Variants in ATP13A4 observed in about 807,000 individuals in gnomAD.
ATP13A4 encodes ATPase 13A4, also known as probable cation-transporting ATPase 13A4.
In ATP13A4, 114 loss-of-function variants were observed where a neutral mutation model predicts 142.5. That is an observed-to-expected ratio of 0.80 (90% CI 0.69 to 0.93). The LOEUF (loss-of-function observed/expected upper bound fraction) is 0.93, where lower values mean the gene tolerates loss of function less well. Among genes scored for constraint, ATP13A4 ranks in the 40% least tolerant of loss-of-function variants. The pLI, the probability that ATP13A4 is intolerant of heterozygous loss-of-function variation, is 0.00. For synonymous variants in ATP13A4, 488 were observed against 514.8 expected, an observed-to-expected ratio of 0.95 and a Z score of 0.70; for missense variants, 1,392 against 1,454.0, an observed-to-expected ratio of 0.96 and a Z score of 0.69.
chr3:193,582,163 T>G (rs10937588), intron 1 of ATP13A4, among the ~76,000 whole-genome samples: 70,433 of 139,460 alleles, frequency 0.51, 17,976 homozygotes, highest in African/African-American at 0.63. Context: ...TTTTTTTTTT[T>G]TTTTGGCGGA....
chr3:193,557,697 T>C (rs549589817), upstream of ATP13A4, among the ~76,000 whole-genome samples: 2 of 152,332 alleles, frequency 1.3e-5, no homozygotes, highest in South Asian at 4.1e-4. Flanking sequence ...ACTGGACTAA[T>C]ACCTCTTCTA....
chr3:193,534,437 A>G (rs897157936), intron 1 of ATP13A4, among the ~76,000 whole-genome samples: 1 of 152,232 alleles, frequency 6.6e-6, no homozygotes, highest in African/African-American at 2.4e-5. Flanking sequence ...TTATCTGATA[A>G]GGATTTTAAA....
At chr3:193,458,792 A>G in intron 14 of ATP13A4, 2 of 594,718 alleles carry the variant, frequency 3.4e-6, no homozygotes, top group Non-Finnish European at 6.0e-6. Context: ...ACTGCATAAT[A>G]AGTACAATTA....
intron 2 of ATP13A4, among the ~76,000 whole-genome samples, chr3:193,576,119 C>T (rs1001896442): frequency 6.6e-6 from 1 of 152,022 alleles, no homozygotes; most frequent in Non-Finnish European, 1.5e-5. Context: ...ATTGAGGAAT[C>T]CTGATTTAGA....
chr3:193,470,789 G>T, intron 9 of ATP13A4, 70 bp downstream of exon 9: 3 of 1,608,000 alleles, frequency 1.9e-6, no homozygotes, highest in Non-Finnish European at 2.6e-6. Context: ...AGGAGGAGGC[G>T]TAGGGACCAT....
intron 1 of ATP13A4, 137 bp from the exon 2 acceptor site, chr3:193,515,008 G>A: frequency 2.4e-6 from 2 of 850,492 alleles, no homozygotes; most frequent in Non-Finnish European, 1.9e-6. Flanking sequence ...GGTGAGGCAT[G>A]GAGAGAGTGG....
At chr3:193,461,116 A>G (rs189158442) in intron 13 of ATP13A4, among the ~76,000 whole-genome samples, 61 of 152,270 alleles carry the variant, frequency 4.0e-4, no homozygotes, top group Non-Finnish European at 6.9e-4. Context: ...GGAAGGAAGG[A>G]AGGGAGGGAA....
chr3:193,450,952 A>G (rs931858999), intron 17 of ATP13A4, among the ~76,000 whole-genome samples: 1 of 152,174 alleles, frequency 6.6e-6, no homozygotes, highest in Non-Finnish European at 1.5e-5. Context: ...TTTCCTGCAC[A>G]GCTCACCACC....
intron 8 of ATP13A4, among the ~76,000 whole-genome samples, chr3:193,473,658 A>C (rs1225634164): frequency 2.6e-5 from 4 of 152,244 alleles, no homozygotes; most frequent in Admixed American, 1.3e-4. Flanking sequence ...GTAATAGGAC[A>C]AATTGAAATT....
At chr3:193,407,454 A>C in intron 28 of ATP13A4, 61 bp from the exon 29 acceptor site, 4 of 1,271,100 alleles carry the variant, frequency 3.1e-6, no homozygotes, top group Non-Finnish European at 4.6e-6. Context: ...AAACATGCTC[A>C]CATGTTCACA....
chr3:193,421,414 A>G (rs868659121), intron 25 of ATP13A4, among the ~76,000 whole-genome samples: 4 of 149,834 alleles, frequency 2.7e-5, no homozygotes, highest in Middle Eastern at 3.4e-3. Context: ...GAAATGCTTG[A>G]GAGTTTTTCA....
chr3:193,475,006 T>G (rs1017972), intron 8 of ATP13A4, among the ~76,000 whole-genome samples: 70,621 of 151,922 alleles, frequency 0.46, 16,454 homozygotes, highest in East Asian at 0.51. Context: ...CATTCTATTG[T>G]CAAGGCTGCG....
At chr3:193,542,004 G>C (rs1243271180) in intron 1 of ATP13A4, among the ~76,000 whole-genome samples, 4 of 152,048 alleles carry the variant, frequency 2.6e-5, no homozygotes, top group African/African-American at 7.2e-5. Context: ...AGAAATAAAG[G>C]GTATTCAAAT....
At chr3:193,410,223 T>C (rs1714696384) in intron 28 of ATP13A4, among the ~76,000 whole-genome samples, 1 of 151,992 alleles carries the variant, frequency 6.6e-6, no homozygotes, top group Non-Finnish European at 1.5e-5. Context: ...AAGTGAGTTT[T>C]ACAGACATTA....
chr3:193,566,231 C>G (rs1480869856), intron 2 of ATP13A4, among the ~76,000 whole-genome samples: 2 of 152,178 alleles, frequency 1.3e-5, no homozygotes, highest in Non-Finnish European at 2.9e-5. Context: ...CTAAATTCCA[C>G]TTTCCCGTAT....
intron 3 of ATP13A4, among the ~76,000 whole-genome samples, chr3:193,497,695 G>T (rs751576604): frequency 1.3e-5 from 2 of 152,012 alleles, no homozygotes; most frequent in Non-Finnish European, 2.9e-5. Context: ...AATGGATAAA[G>T]AAAATGTACA....
intron 2 of ATP13A4, among the ~76,000 whole-genome samples, chr3:193,509,121 T>C (rs1451973689): frequency 6.6e-6 from 1 of 152,142 alleles, no homozygotes; most frequent in East Asian, 1.9e-4. Context: ...AGGTTTAAGT[T>C]CTTTGCCCCC....
intron 1 of ATP13A4, chr3:193,554,495 G>T (rs1156308688): frequency 1.7e-6 from 1 of 580,318 alleles, no homozygotes; most frequent in African/African-American, 1.9e-5. Context: ...TCTTTAAAAA[G>T]AAAACATTCT....
chr3:193,478,337 C>T (rs777266679), intron 8 of ATP13A4, among the ~76,000 whole-genome samples: 10 of 151,500 alleles, frequency 6.6e-5, no homozygotes, highest in Non-Finnish European at 1.5e-4. Flanking sequence ...AAACAAAAAG[C>T]TGGTTCTTTG....
Sources: allele counts gnomAD v4.1 joint callset (sites outside exome capture counted in the v4.1 genomes callset), GRCh38; gene constraint gnomAD v4.1.1; transcripts MANE v1.5; gene names NCBI Gene and HGNC (gene_info 2026-07-23, HGNC 2026-07-21).